The following DNAJC1 variants were observed in gnomAD, a reference collection of about 807,000 sequenced individuals.
DNAJC1 encodes DnaJ heat shock protein family (Hsp40) member C1.
In DNAJC1, 58 loss-of-function variants were observed where a neutral mutation model predicts 76.6. The ratio of observed to expected loss-of-function variants is 0.76; its 90% CI spans 0.61 to 0.94. DNAJC1 has a LOEUF of 0.94. Ranked by LOEUF, DNAJC1 falls within the 40% of genes least tolerant of loss-of-function variation. The pLI is 0.00. For missense variants in DNAJC1, 689 were observed against 677.3 expected, an observed-to-expected ratio of 1.02 and a Z score of -0.19; for synonymous variants, 258 against 267.9, an observed-to-expected ratio of 0.96 and a Z score of 0.36.
At chr10:21,837,872 G>C (rs1314247178) in intron 8 of DNAJC1, among the ~76,000 whole-genome samples, 1 of 148,144 alleles carries the variant, frequency 6.8e-6, no homozygotes, top group African/African-American at 2.5e-5. Context: ...GGAGGGAGGT[G>C]GGGGGCAGCC....
chr10:21,847,867 C>T (rs1039149041), intron 8 of DNAJC1, among the ~76,000 whole-genome samples: 2 of 152,032 alleles, frequency 1.3e-5, no homozygotes, highest in African/African-American at 4.8e-5. Flanking sequence ...TCCTAATGGA[C>T]ACTTAGGTTG....
chr10:21,959,182 T>C (rs540320942), intron 1 of DNAJC1, among the ~76,000 whole-genome samples: 3 of 152,202 alleles, frequency 2.0e-5, no homozygotes, highest in African/African-American at 7.2e-5. Context: ...TAGGATGCAG[T>C]GGTGAGACCT....
intron 6 of DNAJC1, among the ~76,000 whole-genome samples, chr10:21,909,077 G>A (rs1408319453): frequency 2.0e-5 from 3 of 151,022 alleles, no homozygotes; most frequent in South Asian, 2.1e-4. Flanking sequence ...TAGTAGAGAC[G>A]GGGTTTTGCC....
intron 8 of DNAJC1, among the ~76,000 whole-genome samples, chr10:21,842,847 T>A (rs1473710444): frequency 1.3e-5 from 2 of 152,138 alleles, no homozygotes; most frequent in African/African-American, 2.4e-5. Context: ...ATCTCAAAAA[T>A]TAGGAACAGT....
chr10:21,802,243 G>A (rs1298854244), intron 9 of DNAJC1, among the ~76,000 whole-genome samples: 1 of 152,100 alleles, frequency 6.6e-6, no homozygotes, highest in African/African-American at 2.4e-5. Context: ...GCGGCAGTGA[G>A]GACGAAGGCA....
At chr10:21,900,323 G>T (rs1360253571) in intron 7 of DNAJC1, among the ~76,000 whole-genome samples, 2 of 150,242 alleles carry the variant, frequency 1.3e-5, no homozygotes, top group Non-Finnish European at 3.0e-5. Flanking sequence ...AGCCTGGGTG[G>T]CAGAGTGAGA....
At chr10:21,858,047 G>A (rs1301285036) in intron 8 of DNAJC1, among the ~76,000 whole-genome samples, 1 of 152,066 alleles carries the variant, frequency 6.6e-6, no homozygotes, top group Non-Finnish European at 1.5e-5. Flanking sequence ...AAAAGTATTG[G>A]TATTTGAGAT....
rs183728227 is a variant in DNAJC1, at chr10:21,968,934, C to G, written c.222+34279G>C. On this transcript the variant is annotated intron_variant, in intron 1 of 11. Coordinates refer to ENST00000376980, the MANE Select transcript of DNAJC1 (RefSeq NM_022365.4). The stretch of plus-strand genomic sequence containing the variant: ...GTAGTATTTGAGTTGGAAGAAAATC[C>G]TAGGAGCCTGGGCACAGTGGCTCAT... 1.9e-3 allele frequency among the ~76,000 whole-genome samples: 292 copies of G among 152,154 alleles called. 1 individual carries two copies. Among genetic ancestry groups the G allele is most frequent in the African/African-American group, 6.7e-3 (277 of 41,538 alleles).
At chr10:21,786,839 C>G (rs901581887) in intron 9 of DNAJC1, among the ~76,000 whole-genome samples, 2 of 152,068 alleles carry the variant, frequency 1.3e-5, no homozygotes, top group African/African-American at 4.8e-5. Flanking sequence ...ATGTTATTTT[C>G]TGGGTACTAA....
chr10:21,953,733 T>C (rs1837634652), intron 1 of DNAJC1, among the ~76,000 whole-genome samples: 1 of 150,644 alleles, frequency 6.6e-6, no homozygotes. Flanking sequence ...GCTTTTGTTA[T>C]TCATAATGAG....
At position 21,810,177 on chromosome 10, in the gene DNAJC1, C is replaced by T. The variant is rs148136093; in HGVS notation, c.979-4078G>A. ...TCAGAATAGGCAGGACACAAAAAAA[C>T]AAAAACTAAAACAGAAGTCCACAAT... On this transcript the variant is annotated intron_variant, in intron 8 of 11. Transcript: ENST00000376980. 1.9e-4 allele frequency among the ~76,000 whole-genome samples: 29 copies of T among 152,170 alleles called. No individual in the cohort carries two copies. The East Asian group carries it at 4.3e-3, about 22-fold the overall frequency.
chr10:21,804,978 T>C (rs1834866919), intron 9 of DNAJC1, among the ~76,000 whole-genome samples: 1 of 152,192 alleles, frequency 6.6e-6, no homozygotes, highest in South Asian at 2.1e-4. Context: ...TAATAATTTC[T>C]GTACGTTTCT....
chr10:21,844,809 AG>A (rs1445613877), intron 8 of DNAJC1, among the ~76,000 whole-genome samples: 2 of 152,160 alleles, frequency 1.3e-5, no homozygotes, highest in African/African-American at 4.8e-5. Context: ...CCAAGGTGGG[AG>A]GATCAATTGA....
At chr10:21,970,855 T>G (rs1451457214) in intron 1 of DNAJC1, among the ~76,000 whole-genome samples, 1 of 152,028 alleles carries the variant, frequency 6.6e-6, no homozygotes, top group African/African-American at 2.4e-5. Flanking sequence ...ATCTCTTACA[T>G]GCCTTTTATT....
intron 9 of DNAJC1, among the ~76,000 whole-genome samples, chr10:21,771,686 T>C (rs537265262): frequency 6.6e-6 from 1 of 152,054 alleles, no homozygotes; most frequent in Non-Finnish European, 1.5e-5. Flanking sequence ...TTAGTAGAGA[T>C]AGGGTTTCAC....
At chr10:21,885,856 A>G (rs1331196115) in intron 7 of DNAJC1, among the ~76,000 whole-genome samples, 1 of 152,176 alleles carries the variant, frequency 6.6e-6, no homozygotes, top group African/African-American at 2.4e-5. Flanking sequence ...GGAAATTCAT[A>G]GCGCTAAATG....
At chr10:21,772,271 CTTTTTT>C (rs398045895) in intron 9 of DNAJC1, among the ~76,000 whole-genome samples, 3 of 93,044 alleles carry the variant, frequency 3.2e-5, no homozygotes, top group African/African-American at 4.3e-5. Context: ...CACCCCTCTT[CTTTTTT>C]TTTTTTTTTT....
intron 8 of DNAJC1, among the ~76,000 whole-genome samples, chr10:21,813,867 C>T (rs1835031740): frequency 6.6e-6 from 1 of 152,168 alleles, no homozygotes; most frequent in Admixed American, 6.5e-5. Flanking sequence ...GGGAACTAAG[C>T]TCAGAGAACA....
rs768581529 is a variant in DNAJC1, at chr10:21,918,823, T to G, written c.685A>C (p.Ile229Leu). The G allele has an allele frequency of 1.1e-5, 18 of 1,612,938 alleles. No individual in the cohort carries two copies. Among genetic ancestry groups the G allele is most frequent in the Non-Finnish European group, 1.4e-5 (16 of 1,179,358 alleles). Reference protein sequence around the residue: ...WHDLLPCKLGIWFCLTLKALP... With the variant: ...WHDLLPCKLGLWFCLTLKALP... ...GCTTTTAGTGTAAGGCAAAACCAAA[T>G]CCCCAGTTTGCATGGAAGCAAATCA... The change falls in exon 6 of 12, where the codon ATT becomes CTT. Residue 229 changes from isoleucine (I) to leucine (L), a missense_variant. Transcript: ENST00000376980.
Sources: allele counts gnomAD v4.1 joint callset (sites outside exome capture counted in the v4.1 genomes callset), GRCh38; gene constraint gnomAD v4.1.1; transcripts MANE v1.5; gene names NCBI Gene and HGNC (gene_info 2026-07-23, HGNC 2026-07-21).